Variants in CALN1 observed in about 807,000 individuals in gnomAD.
CALN1 encodes the protein calneuron 1.
Under a neutral mutation model 30.6 loss-of-function variants are expected in CALN1, and 17 were observed. That is an observed-to-expected ratio of 0.56 (90% confidence interval 0.38 to 0.83). The LOEUF (loss-of-function observed/expected upper bound fraction) is 0.83. CALN1 is among the 40% of genes least tolerant of loss of function. The pLI, the probability that CALN1 is intolerant of heterozygous loss-of-function variation, is 0.00. For synonymous variants in CALN1, 156 were observed against 131.4 expected (o/e 1.19, Z -1.28); for missense variants, 291 against 354.9 (o/e 0.82, Z 1.45).
chr7:71,856,120 T>C (rs1011657396), intron 5 of CALN1, among the ~76,000 whole-genome samples: 7 of 151,810 alleles, frequency 4.6e-5, no homozygotes, highest in South Asian at 2.1e-4. Context: ...AGTTTTCATA[T>C]ATATATTTGG....
chr7:71,996,005 T>TGCCC (rs951408821), intron 5 of CALN1, among the ~76,000 whole-genome samples: 2 of 152,098 alleles, frequency 1.3e-5, no homozygotes, highest in Admixed American at 1.3e-4. Context: ...AAATCTTTTC[T>TGCCC]GCCCCGTCAA....
At chr7:71,946,817 C>T (rs747914741) in intron 5 of CALN1, among the ~76,000 whole-genome samples, 1 of 151,954 alleles carries the variant, frequency 6.6e-6, no homozygotes, top group Non-Finnish European at 1.5e-5. Context: ...ACTTTGAATT[C>T]GGTGCCGTGA....
chr7:72,157,374 G>T (rs1787773055), intron 3 of CALN1, among the ~76,000 whole-genome samples: 1 of 152,094 alleles, frequency 6.6e-6, no homozygotes, highest in South Asian at 2.1e-4. Flanking sequence ...ACTTTAAGAG[G>T]CCAAGACAGG....
intron 2 of CALN1, among the ~76,000 whole-genome samples, chr7:72,346,762 C>T (rs541004573): frequency 1.3e-5 from 2 of 152,174 alleles, no homozygotes; most frequent in South Asian, 2.1e-4. Flanking sequence ...GTGATCCACC[C>T]GCCTTGGCCT....
intron 2 of CALN1, among the ~76,000 whole-genome samples, chr7:72,301,521 T>C (rs1799258603): frequency 6.7e-6 from 1 of 148,610 alleles, no homozygotes. Context: ...GAGAGGAGAA[T>C]CGCTGTAACC....
intron 3 of CALN1, among the ~76,000 whole-genome samples, chr7:72,239,398 A>AAAAT (rs140300719): frequency 0.02 from 3,017 of 152,032 alleles, 83 homozygotes; most frequent in African/African-American, 0.066. Flanking sequence ...CTTGTCCCTA[A>AAAAT]AAATAAATAA....
At chr7:71,803,248 G>C (rs1275320543) in intron 6 of CALN1, among the ~76,000 whole-genome samples, 1 of 152,032 alleles carries the variant, frequency 6.6e-6, no homozygotes, top group Non-Finnish European at 1.5e-5. Context: ...CAGAACCGCG[G>C]GTGGAATGTG....
chr7:71,986,885 T>A (rs1425886372), intron 5 of CALN1, among the ~76,000 whole-genome samples: 1 of 152,136 alleles, frequency 6.6e-6, no homozygotes, highest in African/African-American at 2.4e-5. Context: ...CCCAGCACTT[T>A]GGGAGACTGA....
chr7:71,825,894 G>A (rs535213063), intron 5 of CALN1, among the ~76,000 whole-genome samples: 2 of 151,670 alleles, frequency 1.3e-5, no homozygotes, highest in African/African-American at 4.8e-5. Flanking sequence ...TTAGCCGGGC[G>A]TGGTGGCAGG....
At chr7:71,821,306 C>T (rs540688885) in intron 5 of CALN1, among the ~76,000 whole-genome samples, 3 of 152,106 alleles carry the variant, frequency 2.0e-5, no homozygotes, top group South Asian at 2.1e-4. Flanking sequence ...CATATTAATC[C>T]GTTTTCATAT....
chr7:72,042,448 C>T (rs575973523), intron 4 of CALN1, among the ~76,000 whole-genome samples: 23 of 152,300 alleles, frequency 1.5e-4, no homozygotes, highest in African/African-American at 4.3e-4. Flanking sequence ...CCCCTAACAA[C>T]GAGTAGCGGC....
intron 5 of CALN1, among the ~76,000 whole-genome samples, chr7:71,885,185 T>G (rs1476019068): frequency 2.0e-5 from 3 of 152,240 alleles, no homozygotes; most frequent in Non-Finnish European, 4.4e-5. Flanking sequence ...GGAGTCTTGC[T>G]CTGTCGCCCA....
At chr7:72,276,981 G>A (rs1417054420) in intron 3 of CALN1, among the ~76,000 whole-genome samples, 1 of 152,158 alleles carries the variant, frequency 6.6e-6, no homozygotes, top group Non-Finnish European at 1.5e-5. Flanking sequence ...GCCCTCCCCA[G>A]ACATCAAATC....
intron 4 of CALN1, among the ~76,000 whole-genome samples, chr7:72,093,428 G>C (rs554394137): frequency 6.6e-6 from 1 of 152,338 alleles, no homozygotes; most frequent in South Asian, 2.1e-4. Context: ...GGGATTCTGA[G>C]ATTGGTTTGC....
At position 72,040,750 on chromosome 7, in the gene CALN1, CA is replaced by C. The variant is rs374168769; in HGVS notation, c.389-16982del. Among the ~76,000 whole-genome samples, 322 of 152,234 alleles carry C rather than the reference CA, an allele frequency of 2.1e-3. 2 individuals carry two copies. Among genetic ancestry groups the C allele is most frequent in the African/African-American group, 7.3e-3 (305 of 41,546 alleles). On this transcript the variant is annotated intron_variant, in intron 4 of 6. Transcript: ENST00000395275. ...AGAGAGGCCTCAGTAGAAACCAACCCAACCAGCATCTTGAGGTTGGGCTTCC... is the reference window on the plus strand; with the variant it reads ...AGAGAGGCCTCAGTAGAAACCAACCCACCAGCATCTTGAGGTTGGGCTTCC...
intron 3 of CALN1, among the ~76,000 whole-genome samples, chr7:72,214,153 T>C (rs192193347): frequency 9.2e-5 from 14 of 152,340 alleles, no homozygotes; most frequent in South Asian, 6.2e-4. Flanking sequence ...ACCATAACTA[T>C]TGACTAGTTA....
At chr7:72,155,888 T>C (rs1238886402) in intron 3 of CALN1, among the ~76,000 whole-genome samples, 5 of 152,158 alleles carry the variant, frequency 3.3e-5, no homozygotes. Flanking sequence ...ACACCAACCA[T>C]GGCTCCCTCC....
At chr7:72,276,398 G>A (rs899478934) in intron 3 of CALN1, among the ~76,000 whole-genome samples, 7 of 152,212 alleles carry the variant, frequency 4.6e-5, no homozygotes, top group African/African-American at 1.7e-4. Flanking sequence ...AAATGCCTAT[G>A]TGGAAACCTA....
At chr7:72,415,458 GC>G (rs1300580799), upstream of CALN1, among the ~76,000 whole-genome samples, 1 of 152,238 alleles carries the variant, frequency 6.6e-6, no homozygotes, top group Non-Finnish European at 1.5e-5. Flanking sequence ...AGTGAGTATG[GC>G]CCGGCATTGC....
Sources: gnomAD v4.1 joint callset for allele counts (sites outside exome capture counted in the v4.1 genomes callset) on GRCh38, gnomAD v4.1.1 for gene constraint, MANE v1.5 for transcripts, NCBI Gene and HGNC (gene_info 2026-07-23, HGNC 2026-07-21) for gene names.